The following XKR9 variants were observed in gnomAD, a reference collection of about 807,000 sequenced individuals.
XKR9 encodes XK related 9.
Under a neutral mutation model 32.0 loss-of-function variants are expected in XKR9, and 32 were observed. The observed-to-expected ratio is 1.00, with a 90% confidence interval of 0.76 to 1.34. XKR9 has a LOEUF of 1.34. Ranked by LOEUF, XKR9 falls within the 40% of genes most tolerant of loss-of-function variation. XKR9 has a pLI of 0.00. For missense variants in XKR9, 546 were observed against 429.7 expected (o/e 1.27, Z -2.39); for synonymous variants, 168 against 143.4 (o/e 1.17, Z -1.22).
chr8:70,672,931 A>C (rs1342376283), intron 1 of XKR9, among the ~76,000 whole-genome samples: 1 of 151,958 alleles, frequency 6.6e-6, no homozygotes, highest in Non-Finnish European at 1.5e-5. Flanking sequence ...TCTCTTGTTG[A>C]GTTTGAGTTC....
chr8:70,694,807 A>G (rs1434016317), intron 3 of XKR9, among the ~76,000 whole-genome samples: 1 of 152,166 alleles, frequency 6.6e-6, no homozygotes, highest in African/African-American at 2.4e-5. Context: ...CCTCTTTTCT[A>G]GGGGTATGTA....
At chr8:71,060,717 C>T in the XKR9 span, among the ~76,000 whole-genome samples, 1 of 152,148 alleles carries the variant, frequency 6.6e-6, no homozygotes, top group Non-Finnish European at 1.5e-5. Context: ...CAGACAATAT[C>T]TGAGAGCCAA....
At chr8:70,754,791 A>G (rs558121700) in intron 2 of XKR9, among the ~76,000 whole-genome samples, 3 of 152,036 alleles carry the variant, frequency 2.0e-5, no homozygotes, top group South Asian at 2.1e-4. Context: ...TACATGTTAG[A>G]CCTAAAACCA....
the XKR9 span, among the ~76,000 whole-genome samples, chr8:71,021,355 G>A: frequency 1.3e-5 from 2 of 151,938 alleles, no homozygotes; most frequent in Admixed American, 6.6e-5. Flanking sequence ...TTTTTTGCTC[G>A]TTTTTATTGG....
the XKR9 span, among the ~76,000 whole-genome samples, chr8:70,847,117 T>A: frequency 3.3e-5 from 5 of 152,046 alleles, no homozygotes; most frequent in South Asian, 2.1e-4. Flanking sequence ...AAAAATTTTT[T>A]AAAAATTAAA....
chr8:70,686,339 C>G (rs1819277283), intron 3 of XKR9, among the ~76,000 whole-genome samples: 1 of 150,364 alleles, frequency 6.7e-6, no homozygotes, highest in African/African-American at 2.5e-5. Flanking sequence ...ACTCCCTGGG[C>G]TCAGGTGATC....
chr8:70,882,976 T>C, the XKR9 span, among the ~76,000 whole-genome samples: 1 of 151,418 alleles, frequency 6.6e-6, no homozygotes, highest in African/African-American at 2.4e-5. Flanking sequence ...ATTTCTTCTA[T>C]GTTGTTTTAA....
At chr8:70,932,598 G>T in the XKR9 span, among the ~76,000 whole-genome samples, 20 of 152,146 alleles carry the variant, frequency 1.3e-4, no homozygotes, top group African/African-American at 4.1e-4. Flanking sequence ...AATACTACAG[G>T]TTGGGTTGCT....
chr8:70,687,381 C>G (rs1159963858), intron 3 of XKR9, among the ~76,000 whole-genome samples: 2 of 115,074 alleles, frequency 1.7e-5, no homozygotes, highest in East Asian at 8.3e-4. Context: ...CTTTCTCTTT[C>G]TTTCTCTTTC....
At chr8:70,821,334 G>T in the XKR9 span, among the ~76,000 whole-genome samples, 1 of 152,212 alleles carries the variant, frequency 6.6e-6, no homozygotes, top group Admixed American at 6.5e-5. Flanking sequence ...GCAGGGTACA[G>T]CCCCTGTCCT....
chr8:70,888,672 G>A, the XKR9 span, among the ~76,000 whole-genome samples: 1 of 151,820 alleles, frequency 6.6e-6, no homozygotes, highest in Admixed American at 6.6e-5. Context: ...TTTTGCATAT[G>A]TATATCCAGT....
At chr8:70,839,436 A>G in the XKR9 span, among the ~76,000 whole-genome samples, 1 of 152,160 alleles carries the variant, frequency 6.6e-6, no homozygotes, top group African/African-American at 2.4e-5. Context: ...TGGTGTTTAA[A>G]TACGTGCTCA....
At chr8:70,934,185 C>T in the XKR9 span, among the ~76,000 whole-genome samples, 1 of 151,944 alleles carries the variant, frequency 6.6e-6, no homozygotes, top group Admixed American at 6.6e-5. Flanking sequence ...GAGCATTGGT[C>T]AGCCATACTG....
At chr8:71,039,030 C>T in the XKR9 span, among the ~76,000 whole-genome samples, 1 of 152,068 alleles carries the variant, frequency 6.6e-6, no homozygotes, top group African/African-American at 2.4e-5. Context: ...CCTTGAACTC[C>T]TGACCTCAAG....
chr8:70,873,128 T>G, the XKR9 span, among the ~76,000 whole-genome samples: 66 of 152,332 alleles, frequency 4.3e-4, no homozygotes, highest in African/African-American at 1.5e-3. Context: ...TTAAGCCCAC[T>G]GTTAAGACCT....
the XKR9 span, among the ~76,000 whole-genome samples, chr8:70,808,233 C>T: frequency 1.3e-5 from 2 of 152,076 alleles, no homozygotes; most frequent in South Asian, 2.1e-4. Flanking sequence ...AAGAAAGGGA[C>T]AATGTACCAG....
At chr8:70,922,335 T>C in the XKR9 span, among the ~76,000 whole-genome samples, 1 of 152,336 alleles carries the variant, frequency 6.6e-6, no homozygotes, top group Admixed American at 6.5e-5. Context: ...TTTGTGTATG[T>C]ACCATAGTTT....
the XKR9 span, among the ~76,000 whole-genome samples, chr8:70,818,577 C>A: frequency 6.6e-6 from 1 of 152,062 alleles, no homozygotes; most frequent in Non-Finnish European, 1.5e-5. Flanking sequence ...ATCTGAGTGT[C>A]CTTAGGGATT....
chr8:70,782,397 A>G (rs185555610), intron 2 of XKR9, among the ~76,000 whole-genome samples: 191 of 152,294 alleles, frequency 1.3e-3, no homozygotes, highest in African/African-American at 4.4e-3. Context: ...AATACTTAAC[A>G]TATTTGTGAT....
Sources: gnomAD v4.1 joint callset for allele counts (sites outside exome capture counted in the v4.1 genomes callset) on GRCh38, gnomAD v4.1.1 for gene constraint, MANE v1.5 for transcripts, NCBI Gene and HGNC (gene_info 2026-07-23, HGNC 2026-07-21) for gene names.